PTPRC: variants seen among roughly 807,000 people sequenced by gnomAD.
PTPRC encodes receptor-type tyrosine-protein phosphatase C.
A neutral mutation model predicts 155.9 loss-of-function variants in PTPRC; 44 were observed. The ratio of observed to expected loss-of-function variants is 0.28; its 90% CI spans 0.22 to 0.36. The LOEUF (loss-of-function observed/expected upper bound fraction) is 0.36. Ranked by LOEUF, PTPRC falls within the 10% of genes least tolerant of loss-of-function variation. PTPRC has a pLI of 1.00. For synonymous variants in PTPRC, 525 were observed against 533.1 expected, an observed-to-expected ratio of 0.98 and a Z score of 0.21; for missense variants, 1,401 against 1,564.6, an observed-to-expected ratio of 0.90 and a Z score of 1.76.
chr1:198,756,713 CTA>C lies in PTPRC; in HGVS notation c.*533_*534del. The C allele has an allele frequency of 6.5e-6, 1 of 153,002 alleles. No homozygotes were observed. Among genetic ancestry groups the C allele is most frequent in the East Asian group, 1.9e-4 (1 of 5,182 alleles). 9.5% of individuals were successfully genotyped at this position (153,002 alleles called of 1,614,324 possible). On this transcript the variant is annotated 3_prime_UTR_variant, in exon 33 of 33. Transcript: ENST00000442510. ...TCTTATATAGTTTACTATTTTACTT[CTA>C]GAGATAGTACATAAAGGTGGTATGT...
In PTPRC at chr1:198,731,639, T is replaced by G. The variant is rs1654392123; in HGVS notation, c.1887T>G (p.Asn629Lys). The change falls in exon 18 of 33, where the codon AAT becomes AAG. Residue 629 changes from asparagine to lysine, a missense_variant. Physicochemically the swap from Asn to Lys is moderately conservative, Grantham distance 94. Transcript: ENST00000442510. ...VERDDEKQLM[N>K]VEPIHADILL... ...CAGATGATGAAAAACAACTGATGAATGTGGAGCCAATCCATGCAGATATTT... is the reference window on the plus strand; with the variant it reads ...CAGATGATGAAAAACAACTGATGAAGGTGGAGCCAATCCATGCAGATATTT... The G allele has an allele frequency of 1.2e-6, 2 of 1,610,014 alleles. No homozygotes were observed. Among genetic ancestry groups the G allele is most frequent in the East Asian group, 4.5e-5 (2 of 44,706 alleles).
chr1:198,715,812 A>T (rs1653558408), intron 12 of PTPRC, among the ~76,000 whole-genome samples: 1 of 152,148 alleles, frequency 6.6e-6, no homozygotes, highest in Non-Finnish European at 1.5e-5. Flanking sequence ...TATTATTTTT[A>T]AAAATCGTTA....
At chr1:198,723,714 C>G (rs1270697015) in intron 15 of PTPRC, among the ~76,000 whole-genome samples, 1 of 152,210 alleles carries the variant, frequency 6.6e-6, no homozygotes, top group East Asian at 1.9e-4. Context: ...ACAAAAAGCA[C>G]AGCATGCTAG....
chr1:198,721,814 T>A (rs1038053593), intron 14 of PTPRC, among the ~76,000 whole-genome samples: 3 of 151,534 alleles, frequency 2.0e-5, no homozygotes, highest in African/African-American at 4.8e-5. Flanking sequence ...TATTCTCTTT[T>A]AATGATATTA....
intron 2 of PTPRC, chr1:198,660,662 C>A (rs1014233474): frequency 1.3e-5 from 2 of 152,118 alleles, no homozygotes; most frequent in African/African-American, 4.8e-5. Flanking sequence ...CTGGAATATT[C>A]AGAGAAGACT....
chr1:198,706,610 T>A, intron 8 of PTPRC, 124 bp from the exon 9 acceptor site: 1 of 1,013,420 alleles, frequency 9.9e-7, no homozygotes, highest in Non-Finnish European at 1.5e-6. Flanking sequence ...AGGCACCTAA[T>A]GTGTTTTTTC....
At chr1:198,737,402 C>T (rs1161061081) in intron 23 of PTPRC, among the ~76,000 whole-genome samples, 1 of 151,572 alleles carries the variant, frequency 6.6e-6, no homozygotes, top group Non-Finnish European at 1.5e-5. Context: ...TTTCATTCTT[C>T]CACATATGAA....
chr1:198,686,927 T>C (rs1431029390), intron 2 of PTPRC, among the ~76,000 whole-genome samples: 1 of 152,220 alleles, frequency 6.6e-6, no homozygotes, highest in African/African-American at 2.4e-5. Flanking sequence ...CACAGTAATA[T>C]TTAACCATAT....
intron 22 of PTPRC, 82 bp from the exon 23 acceptor site, chr1:198,735,045 T>C (rs1289866225): frequency 8.0e-7 from 1 of 1,254,306 alleles, no homozygotes; most frequent in Non-Finnish European, 1.1e-6. Flanking sequence ...GTATAGGTTT[T>C]GTTTTCACTG....
At position 198,735,178 on chromosome 1, in the gene PTPRC, G is replaced by C; in HGVS notation, c.2329G>C (p.Gly777Arg). The change falls in exon 23 of 33, where the codon GGA (glycine) becomes CGA (arginine). Residue 777 changes from glycine (G) to arginine (R), a missense_variant. By Grantham distance (125) the Gly-to-Arg change is moderately radical. Around this residue, in one of 3 missense-constraint regions of PTPRC, gnomAD observed 867 missense variants for 970.4 expected, o/e 0.89. Transcript: ENST00000442510. ...AATGGAAGAGGGCACTCGGGCTTTT[G>C]GAGATGTTGTTGTAAAGATCAACCA... is the stretch of plus-strand genomic sequence containing the variant. Reference protein sequence around the residue: ...PSMEEGTRAFGDVVVKINQHK... With the variant: ...PSMEEGTRAFRDVVVKINQHK... The C allele has an allele frequency of 6.2e-7, 1 of 1,604,394 alleles. No homozygotes were observed. The highest frequency in any genetic ancestry group is 8.5e-7 in the Non-Finnish European group (1 of 1,174,040).
intron 9 of PTPRC, among the ~76,000 whole-genome samples, chr1:198,707,748 A>C (rs1357711062): frequency 2.0e-5 from 3 of 152,258 alleles, no homozygotes; most frequent in Non-Finnish European, 4.4e-5. Context: ...AATACACTTT[A>C]TAATAATCAT....
At chr1:198,712,708 T>C in intron 11 of PTPRC, 1 of 483,918 alleles carries the variant, frequency 2.1e-6, no homozygotes, top group Admixed American at 3.6e-5. Flanking sequence ...GAAGAGGGGG[T>C]TCTTAGATAT....
intron 15 of PTPRC, among the ~76,000 whole-genome samples, chr1:198,724,259 T>C (rs1654024463): frequency 1.3e-5 from 2 of 152,338 alleles, no homozygotes; most frequent in Admixed American, 6.5e-5. Flanking sequence ...AGGAAAGGAC[T>C]TGGGCTGTGA....
At chr1:198,695,099 T>C in intron 3 of PTPRC, 1 of 913,414 alleles carries the variant, frequency 1.1e-6, no homozygotes, top group Non-Finnish European at 1.3e-6. Flanking sequence ...GAAGTTCAAT[T>C]GAATTTTATC....
chr1:198,709,070 C>T (rs767178211), intron 10 of PTPRC, among the ~76,000 whole-genome samples: 35 of 152,196 alleles, frequency 2.3e-4, no homozygotes, highest in Non-Finnish European at 4.3e-4. Context: ...ATAAAATGTT[C>T]TCTCTAGACA....
intron 2 of PTPRC, among the ~76,000 whole-genome samples, chr1:198,651,728 G>C (rs926619882): frequency 6.6e-6 from 1 of 151,792 alleles, no homozygotes; most frequent in Non-Finnish European, 1.5e-5. Context: ...TTGTTAATTT[G>C]TGTTTCCTGA....
chr1:198,700,213 T>G (rs190324816), intron 5 of PTPRC: 11 of 171,412 alleles, frequency 6.4e-5, no homozygotes, highest in African/African-American at 1.9e-4. Context: ...GGCATCTCTG[T>G]GTTTATAACA....
At chr1:198,740,464 C>G (rs1654848075) in intron 23 of PTPRC, among the ~76,000 whole-genome samples, 1 of 151,814 alleles carries the variant, frequency 6.6e-6, no homozygotes, top group African/African-American at 2.4e-5. Context: ...CACCTGTAAT[C>G]CCAGTTACTT....
chr1:198,697,421 G>C (rs1371042680), intron 4 of PTPRC, among the ~76,000 whole-genome samples: 2 of 152,144 alleles, frequency 1.3e-5, no homozygotes, highest in African/African-American at 2.4e-5. Flanking sequence ...TTTCTTTTAA[G>C]AGCATTTGCA....
Sources: gnomAD v4.1 joint callset for allele counts (sites outside exome capture counted in the v4.1 genomes callset) on GRCh38, gnomAD v4.1.1 for gene constraint, gnomAD v4.1.1 regional missense constraint, MANE v1.5 for transcripts, NCBI Gene and HGNC (gene_info 2026-07-23, HGNC 2026-07-21) for gene names.